The following CLSTN1 variants were observed in gnomAD, a reference collection of about 807,000 sequenced individuals.
The protein encoded by CLSTN1 is calsyntenin-1.
A neutral mutation model predicts 108.3 loss-of-function variants in CLSTN1; 28 were observed. That is an observed-to-expected ratio of 0.26 (90% confidence interval 0.19 to 0.35). CLSTN1 has a LOEUF of 0.35. Among genes scored for constraint, CLSTN1 ranks in the 10% least tolerant of loss-of-function variants. The probability of loss-of-function intolerance (pLI) is 1.00; values close to 1 mark genes in which losing one functional copy is unlikely to be tolerated. For missense variants in CLSTN1, 1,157 were observed against 1,302.6 expected (o/e 0.89, Z 1.72); for synonymous variants, 524 against 534.9 (o/e 0.98, Z 0.28).
chr1:9,803,420 G>C (rs1654371686), intron 1 of CLSTN1, among the ~76,000 whole-genome samples: 1 of 152,146 alleles, frequency 6.6e-6, no homozygotes, highest in Non-Finnish European at 1.5e-5. Context: ...TATTCCATGG[G>C]TAAAACCAGA....
rs145314187 is a variant in CLSTN1 at position 9,751,560 on chromosome 1, C to T, written c.562G>A (p.Val188Met). Reference protein sequence around the residue: ...QYDSILRVEAVDADCSPQFSQ... With the variant: ...QYDSILRVEAMDADCSPQFSQ... The stretch of plus-strand genomic sequence containing the variant: ...AACTGAGGGGAGCAGTCGGCATCCA[C>T]GGCCTCCACCCTCAAAATGCTGTCG... Residue 188 changes from valine (V) to methionine (M), a missense_variant, in exon 5 of 19, where the codon GTG becomes ATG. By Grantham distance (21) the Val-to-Met change is conservative. Coordinates refer to ENST00000377298, the MANE Select transcript of CLSTN1 (RefSeq NM_001009566.3). 1.2e-3 allele frequency: 1,877 copies of T among 1,614,184 alleles called. 14 individuals are homozygous for T. Among genetic ancestry groups the T allele is most frequent in the South Asian group, 8.5e-3 (774 of 91,082 alleles).
chr1:9,745,043 C>T (rs191211432), intron 7 of CLSTN1, among the ~76,000 whole-genome samples: 162 of 152,282 alleles, frequency 1.1e-3, no homozygotes, highest in African/African-American at 3.6e-3. Flanking sequence ...TGAGCCACCA[C>T]GCTTGGCCCT....
At chr1:9,796,235 C>G (rs1346656289) in intron 1 of CLSTN1, among the ~76,000 whole-genome samples, 1 of 147,978 alleles carries the variant, frequency 6.8e-6, no homozygotes, top group East Asian at 2.1e-4. Flanking sequence ...GCACTCCAGC[C>G]TGGGCGACAG....
At chr1:9,763,360 G>C (rs1570464812) in intron 2 of CLSTN1, among the ~76,000 whole-genome samples, 1 of 152,182 alleles carries the variant, frequency 6.6e-6, no homozygotes, top group South Asian at 2.1e-4. Context: ...AAATTCTAGT[G>C]TGCCAAAAAT....
At chr1:9,782,729 G>A (rs1039814570) in intron 1 of CLSTN1, among the ~76,000 whole-genome samples, 4 of 152,196 alleles carry the variant, frequency 2.6e-5, no homozygotes, top group Non-Finnish European at 5.9e-5. Context: ...GACCCGGGCC[G>A]GGCGTGGTGG....
intron 1 of CLSTN1, among the ~76,000 whole-genome samples, chr1:9,815,593 T>C (rs1357100890): frequency 6.6e-6 from 1 of 152,214 alleles, no homozygotes; most frequent in Non-Finnish European, 1.5e-5. Flanking sequence ...GTCAAGTGGA[T>C]ACAGGATGGT....
At chr1:9,784,767 G>C (rs1653404496) in intron 1 of CLSTN1, among the ~76,000 whole-genome samples, 1 of 152,142 alleles carries the variant, frequency 6.6e-6, no homozygotes, top group Non-Finnish European at 1.5e-5. Context: ...CAAGTTCTCA[G>C]GCTTTGATTT....
chr1:9,799,708 C>T (rs758135278), intron 1 of CLSTN1, among the ~76,000 whole-genome samples: 6 of 149,514 alleles, frequency 4.0e-5, no homozygotes, highest in Non-Finnish European at 8.9e-5. Context: ...TTTGAGAGGC[C>T]GAGGCAGGCA....
intron 2 of CLSTN1, among the ~76,000 whole-genome samples, chr1:9,760,361 C>G (rs1226018376): frequency 2.0e-5 from 3 of 152,146 alleles, no homozygotes; most frequent in Admixed American, 2.0e-4. Flanking sequence ...TCTTCCACAC[C>G]AGCCTTGCAA....
chr1:9,735,199 T>C (rs926907122), intron 13 of CLSTN1, 25 bp from the exon 14 acceptor site: 10 of 1,611,286 alleles, frequency 6.2e-6, no homozygotes, highest in African/African-American at 1.3e-5. Context: ...TGGGGAAGGG[T>C]CAGGGCTTTG....
chr1:9,744,779 G>C (rs989435699), intron 7 of CLSTN1, 136 bp from the exon 8 acceptor site: 12 of 1,111,778 alleles, frequency 1.1e-5, no homozygotes, highest in Non-Finnish European at 1.5e-5. Context: ...TTTCGAGACA[G>C]AGTCTTGCTT....
chr1:9,791,446 C>A (rs1348684603), intron 1 of CLSTN1, among the ~76,000 whole-genome samples: 4 of 151,544 alleles, frequency 2.6e-5, no homozygotes, highest in Non-Finnish European at 4.4e-5. Flanking sequence ...ATTGCCCAGG[C>A]TGGTCTCGAA....
intron 16 of CLSTN1, among the ~76,000 whole-genome samples, chr1:9,732,765 G>C (rs1463453113): frequency 6.6e-6 from 1 of 152,230 alleles, no homozygotes; most frequent in Non-Finnish European, 1.5e-5. Flanking sequence ...CAGCAGCACT[G>C]GTCCTGCCCG....
chr1:9,778,777 G>C (rs986864379), intron 1 of CLSTN1, among the ~76,000 whole-genome samples: 1 of 152,064 alleles, frequency 6.6e-6, no homozygotes, highest in Non-Finnish European at 1.5e-5. Flanking sequence ...CACTTTGGGA[G>C]GCCAAGGCGG....
In CLSTN1 at chr1:9,795,992, T is replaced by C. The variant is rs373663919; in HGVS notation, c.92-22598A>G. Among the ~76,000 whole-genome samples the C allele has an allele frequency of 1.1e-4, 16 of 145,666 alleles. 2 individuals are homozygous for C. The South Asian group carries it at 2.5e-3, about 23-fold the overall frequency. ...AAAAAAAAAAATCTGAGGCTGGGCA[T>C]GGTGGCTGACACCTCTAACAGCACT... On this transcript the variant is annotated intron_variant, in intron 1 of 18. Coordinates refer to ENST00000377298, the MANE Select transcript of CLSTN1 (RefSeq NM_001009566.3).
chr1:9,817,853 T>C (rs1347709333), intron 1 of CLSTN1, among the ~76,000 whole-genome samples: 2 of 152,134 alleles, frequency 1.3e-5, no homozygotes, highest in Non-Finnish European at 2.9e-5. Context: ...GAAAGCAGCA[T>C]TCTAGTTCCC....
At chr1:9,749,950 C>T in intron 5 of CLSTN1, 37 bp from the exon 6 acceptor site, 5 of 1,593,754 alleles carry the variant, frequency 3.1e-6, no homozygotes, top group Non-Finnish European at 3.4e-6. Context: ...GAGCCAAAAC[C>T]CATGCTGGTT....
intron 7 of CLSTN1, among the ~76,000 whole-genome samples, chr1:9,747,258 T>C (rs1328109504): frequency 6.6e-6 from 1 of 151,486 alleles, no homozygotes; most frequent in African/African-American, 2.4e-5. Context: ...AACTTTATTC[T>C]GCTGAAAAAA....
At chr1:9,780,885 G>T in intron 1 of CLSTN1, 1 of 312,322 alleles carries the variant, frequency 3.2e-6, no homozygotes, top group Non-Finnish European at 5.8e-6. Flanking sequence ...CAAATGCGGT[G>T]CGGGAGACCA....
Sources: allele counts gnomAD v4.1 joint callset (sites outside exome capture counted in the v4.1 genomes callset), GRCh38; gene constraint gnomAD v4.1.1; transcripts MANE v1.5; gene names NCBI Gene and HGNC (gene_info 2026-07-23, HGNC 2026-07-21).